The following ASXL2 variants were observed in gnomAD, a reference collection of about 807,000 sequenced individuals.
ASXL2 encodes the protein putative Polycomb group protein ASXL2.
A neutral mutation model predicts 122.0 loss-of-function variants in ASXL2; 23 were observed. That is an observed-to-expected ratio of 0.19 (90% CI 0.14 to 0.27). The LOEUF is 0.27. Ranked by LOEUF, ASXL2 falls within the 10% of genes least tolerant of loss-of-function variation. The pLI is 1.00. For synonymous variants in ASXL2, 650 were observed against 637.0 expected, an observed-to-expected ratio of 1.02 and a Z score of -0.31; for missense variants, 1,518 against 1,713.8, an observed-to-expected ratio of 0.89 and a Z score of 2.02.
intron 8 of ASXL2, 102 bp from the exon 9 acceptor site, chr2:25,759,747 T>C: frequency 8.4e-7 from 1 of 1,194,414 alleles, no homozygotes; most frequent in Non-Finnish European, 1.2e-6. Flanking sequence ...ATTGTAAGCA[T>C]TTAAATATCA....
chr2:25,770,628 G>A (rs545638914), intron 6 of ASXL2, among the ~76,000 whole-genome samples: 5 of 152,252 alleles, frequency 3.3e-5, no homozygotes, highest in African/African-American at 1.2e-4. Flanking sequence ...GGTGATGGGT[G>A]CCTGTAATCC....
intron 2 of ASXL2, among the ~76,000 whole-genome samples, chr2:25,839,887 T>G (rs1244930603): frequency 1.3e-5 from 2 of 151,120 alleles, no homozygotes; most frequent in East Asian, 1.9e-4. Context: ...TACCATGTTT[T>G]CTTTTTTTTT....
chr2:25,785,213 ATTTAT>A (rs1192623199), intron 5 of ASXL2, among the ~76,000 whole-genome samples: 1 of 152,020 alleles, frequency 6.6e-6, no homozygotes, highest in Non-Finnish European at 1.5e-5. Context: ...TCCCAAACTT[ATTTAT>A]TTATTTGTTT....
intron 7 of ASXL2, among the ~76,000 whole-genome samples, chr2:25,768,397 G>A (rs915932189): frequency 6.6e-6 from 1 of 152,042 alleles, no homozygotes. Flanking sequence ...TTGACTTCCC[G>A]AGCTCAACCA....
chr2:25,845,958 T>C (rs2089643132), intron 1 of ASXL2, among the ~76,000 whole-genome samples: 1 of 152,200 alleles, frequency 6.6e-6, no homozygotes, highest in South Asian at 2.1e-4. Flanking sequence ...ACAGAATGCA[T>C]GAAGCAGCTA....
chr2:25,743,456 C>A lies in ASXL2; in HGVS notation c.2881G>T (p.Asp961Tyr). The A allele has an allele frequency of 6.2e-7, 1 of 1,613,832 alleles. No individual in the cohort carries two copies. Among genetic ancestry groups the A allele is most frequent in the Non-Finnish European group, 8.5e-7 (1 of 1,179,900 alleles). ...PLVTQLLQGK[D>Y]VPMEQILPKP... ...GGCAGAATTTGCTCCATGGGAACAT[C>A]TTTGCCTTGAAGCAGCTGAGTCACT... Residue 961 changes from aspartate (D) to tyrosine (Y), a missense_variant, in exon 13 of 13, where the codon GAT (aspartate) becomes TAT (tyrosine). Coordinates refer to ENST00000435504, the MANE Select transcript of ASXL2 (RefSeq NM_018263.6).
At chr2:25,760,073 T>G (rs1348385703) in intron 8 of ASXL2, among the ~76,000 whole-genome samples, 2 of 152,118 alleles carry the variant, frequency 1.3e-5, no homozygotes, top group Non-Finnish European at 2.9e-5. Flanking sequence ...TGATTTTAAT[T>G]TACATTGGCT....
At chr2:25,860,398 T>C (rs1486973072) in intron 1 of ASXL2, among the ~76,000 whole-genome samples, 1 of 151,482 alleles carries the variant, frequency 6.6e-6, no homozygotes, top group African/African-American at 2.4e-5. Context: ...AGAGGGAAAT[T>C]TAAAGACTGA....
At position 25,836,127 on chromosome 2, in the gene ASXL2, A is replaced by G. The variant is rs181962879; in HGVS notation, c.141-587T>C. 6.0e-4 allele frequency among the ~76,000 whole-genome samples: 92 copies of G among 152,358 alleles called. 1 individual carries two copies. The highest frequency in any genetic ancestry group is 5.2e-3 in the East Asian group (27 of 5,188). ...ACAGATAGGGAAGATGGCTGGGCAC[A>G]GTGCCTCATGCCGAGGCCAAAGCAG... is the stretch of plus-strand genomic sequence containing the variant. On this transcript the variant is annotated intron_variant, in intron 2 of 12. Transcript: ENST00000435504.
At chr2:25,753,898 C>T (rs989792799) in intron 10 of ASXL2, among the ~76,000 whole-genome samples, 4 of 152,140 alleles carry the variant, frequency 2.6e-5, no homozygotes, top group Non-Finnish European at 5.9e-5. Context: ...CCTGTGGTAC[C>T]TTCCTCACGC....
At chr2:25,750,883 C>G (rs2088033083) in intron 11 of ASXL2, among the ~76,000 whole-genome samples, 1 of 152,160 alleles carries the variant, frequency 6.6e-6, no homozygotes. Flanking sequence ...GTGGTCAACT[C>G]TTCTCTGCAA....
chr2:25,783,506 A>AT (rs201369740), intron 5 of ASXL2, among the ~76,000 whole-genome samples: 8 of 132,566 alleles, frequency 6.0e-5, no homozygotes, highest in Non-Finnish European at 1.2e-4. Context: ...AATTTCCACC[A>AT]TTTTTTTTAT....
chr2:25,807,710 T>TGA (rs1029732327), intron 3 of ASXL2, among the ~76,000 whole-genome samples: 14 of 152,146 alleles, frequency 9.2e-5, no homozygotes, highest in African/African-American at 3.4e-4. Context: ...AATCACCAAA[T>TGA]GAATACCCTC....
intron 3 of ASXL2, among the ~76,000 whole-genome samples, chr2:25,821,387 A>C (rs2089308858): frequency 6.6e-6 from 1 of 151,880 alleles, no homozygotes; most frequent in Non-Finnish European, 1.5e-5. Context: ...AGGGAAAGGA[A>C]AGGAGGGAAA....
intron 3 of ASXL2, among the ~76,000 whole-genome samples, chr2:25,811,255 AAAATAAAT>A (rs556216686): frequency 2.0e-5 from 3 of 151,918 alleles, no homozygotes; most frequent in Admixed American, 1.3e-4. Context: ...CATGGCTTAA[AAAATAAAT>A]AAATAAATAA....
At chr2:25,795,011 T>A (rs944936962) in intron 5 of ASXL2, among the ~76,000 whole-genome samples, 8 of 152,208 alleles carry the variant, frequency 5.3e-5, no homozygotes, top group African/African-American at 1.9e-4. Flanking sequence ...GTATGACCCA[T>A]GAAAGACAGA....
intron 5 of ASXL2, among the ~76,000 whole-genome samples, chr2:25,782,332 G>A (rs1487684194): frequency 6.6e-6 from 1 of 151,926 alleles, no homozygotes; most frequent in Non-Finnish European, 1.5e-5. Flanking sequence ...ATCATCTGAG[G>A]TCAGGAGTTT....
chr2:25,876,586 T>C (rs2090011657), intron 1 of ASXL2, among the ~76,000 whole-genome samples: 1 of 152,184 alleles, frequency 6.6e-6, no homozygotes, highest in Admixed American at 6.5e-5. Flanking sequence ...GGTCCAGGTC[T>C]GCTTACCTAT....
At chr2:25,844,614 A>C (rs916617924) in intron 2 of ASXL2, among the ~76,000 whole-genome samples, 14 of 151,002 alleles carry the variant, frequency 9.3e-5, no homozygotes, top group Non-Finnish European at 1.5e-4. Flanking sequence ...ACAAAAAAAA[A>C]CACACACACA....
Sources: allele counts gnomAD v4.1 joint callset (sites outside exome capture counted in the v4.1 genomes callset), GRCh38; gene constraint gnomAD v4.1.1; transcripts MANE v1.5; gene names NCBI Gene and HGNC (gene_info 2026-07-23, HGNC 2026-07-21).